ZMAT4: variants seen among roughly 807,000 people sequenced by gnomAD.
ZMAT4 encodes the protein zinc finger matrin-type protein 4.
ZMAT4 carries 17 observed loss-of-function variants against 28.7 expected under a neutral mutation model. The ratio of observed to expected loss-of-function variants is 0.59; its 90% confidence interval spans 0.41 to 0.89. The LOEUF is 0.89. ZMAT4 is among the 40% of genes least tolerant of loss of function. ZMAT4 has a pLI of 0.00. For synonymous variants in ZMAT4, 117 were observed against 109.2 expected, an observed-to-expected ratio of 1.07 and a Z score of -0.44; for missense variants, 240 against 283.8, an observed-to-expected ratio of 0.85 and a Z score of 1.11.
At chr8:40,604,090 A>T (rs1407114353) in intron 5 of ZMAT4, among the ~76,000 whole-genome samples, 1 of 152,292 alleles carries the variant, frequency 6.6e-6, no homozygotes, top group East Asian at 1.9e-4. Context: ...AACTTTACTG[A>T]ATTCATTTAT....
chr8:40,646,744 A>G (rs183961433), intron 5 of ZMAT4, among the ~76,000 whole-genome samples: 22 of 152,332 alleles, frequency 1.4e-4, no homozygotes, highest in African/African-American at 4.8e-4. Flanking sequence ...TAGATCATTC[A>G]ACTGTAATAG....
At chr8:40,560,716 A>T (rs1452520949) in intron 6 of ZMAT4, among the ~76,000 whole-genome samples, 1 of 152,138 alleles carries the variant, frequency 6.6e-6, no homozygotes, top group Non-Finnish European at 1.5e-5. Flanking sequence ...CTATTTCACA[A>T]ACTCAATCCA....
chr8:40,866,271 G>A (rs1393168960), intron 1 of ZMAT4, among the ~76,000 whole-genome samples: 1 of 152,304 alleles, frequency 6.6e-6, no homozygotes, highest in South Asian at 2.1e-4. Context: ...AGGACTTAGG[G>A]CTATGGGCAC....
At chr8:40,552,242 C>A (rs1403356099) in intron 6 of ZMAT4, among the ~76,000 whole-genome samples, 1 of 152,126 alleles carries the variant, frequency 6.6e-6, no homozygotes, top group African/African-American at 2.4e-5. Context: ...GAAATGTACC[C>A]AATGTACACC....
rs569928011 is a variant in ZMAT4 at position 40,551,914 on chromosome 8, AAAG to A, written c.675-19679_675-19677del. Among the ~76,000 whole-genome samples, 284 of 152,266 alleles carry A rather than the reference AAAG, an allele frequency of 1.9e-3. 3 individuals are homozygous for A. The highest frequency in any genetic ancestry group is 6.4e-3 in the African/African-American group (266 of 41,556). On this transcript the variant is annotated intron_variant, in intron 6 of 6. Transcript: ENST00000297737. ...GCTCCCAGAGCACTAATTTCTTATC[AAAG>A]AAGAAGAGTACTAAAACTTCCCATA...
At chr8:40,869,032 A>C (rs1047314806) in intron 1 of ZMAT4, among the ~76,000 whole-genome samples, 2 of 152,166 alleles carry the variant, frequency 1.3e-5, no homozygotes, top group African/African-American at 4.8e-5. Context: ...GTTTGCTATG[A>C]ATCCCCCAAC....
chr8:40,746,282 T>C (rs1405306909), intron 3 of ZMAT4, among the ~76,000 whole-genome samples: 5 of 125,866 alleles, frequency 4.0e-5, no homozygotes, highest in African/African-American at 1.2e-4. Context: ...CCTTTCTTTC[T>C]TTCTTTTCTT....
intron 3 of ZMAT4, among the ~76,000 whole-genome samples, chr8:40,710,914 G>A (rs1810587286): frequency 6.6e-6 from 1 of 152,020 alleles, no homozygotes; most frequent in African/African-American, 2.4e-5. Flanking sequence ...CTGAGTAGCT[G>A]GGACTACAGG....
At chr8:40,739,464 G>C (rs1367952570) in intron 3 of ZMAT4, among the ~76,000 whole-genome samples, 1 of 152,154 alleles carries the variant, frequency 6.6e-6, no homozygotes, top group Non-Finnish European at 1.5e-5. Flanking sequence ...GACACTGATA[G>C]TAGATGACAA....
Position 40,737,741 on chromosome 8 carries a change from C to T in ZMAT4, c.192+29900G>A, listed in dbSNP as rs1385103654. On this transcript the variant is annotated intron_variant, in intron 3 of 6. Coordinates refer to ENST00000297737, the MANE Select transcript of ZMAT4 (RefSeq NM_024645.3). ...ATTATGTATACATATAGCGGAAAAT[C>T]GCATAAAATATCAGGTCTGAATTTT... Among the ~76,000 whole-genome samples the T allele has an allele frequency of 2.6e-5, 4 of 151,366 alleles. No individual in the cohort carries two copies. The South Asian group carries it at 6.3e-4, about 24-fold the overall frequency.
intron 5 of ZMAT4, among the ~76,000 whole-genome samples, chr8:40,621,693 G>A (rs115029092): frequency 6.6e-6 from 1 of 152,168 alleles, no homozygotes; most frequent in Non-Finnish European, 1.5e-5. Flanking sequence ...TTTGAAGGTC[G>A]CTGGGAAATG....
intron 3 of ZMAT4, among the ~76,000 whole-genome samples, chr8:40,706,771 C>T (rs1303865098): frequency 1.3e-5 from 2 of 152,092 alleles, no homozygotes; most frequent in Non-Finnish European, 2.9e-5. Flanking sequence ...AAGAAAATGG[C>T]TCAGAATCCC....
chr8:40,862,919 T>C (rs935004626), intron 1 of ZMAT4, among the ~76,000 whole-genome samples: 1 of 151,682 alleles, frequency 6.6e-6, no homozygotes, highest in South Asian at 2.1e-4. Context: ...TGTATACATA[T>C]GTAACAAACC....
intron 1 of ZMAT4, among the ~76,000 whole-genome samples, chr8:40,859,556 G>A (rs1033188135): frequency 1.3e-5 from 2 of 152,146 alleles, no homozygotes; most frequent in South Asian, 4.1e-4. Flanking sequence ...CCTTCAGTGG[G>A]CTTTTAACAT....
chr8:40,643,464 T>C (rs1807146658), intron 5 of ZMAT4, among the ~76,000 whole-genome samples: 1 of 152,196 alleles, frequency 6.6e-6, no homozygotes, highest in South Asian at 2.1e-4. Context: ...CCATGGATAA[T>C]TTATTGAGTC....
intron 5 of ZMAT4, among the ~76,000 whole-genome samples, chr8:40,634,182 G>T (rs1806706198): frequency 6.6e-6 from 1 of 152,126 alleles, no homozygotes; most frequent in Non-Finnish European, 1.5e-5. Context: ...TGGGCAAATT[G>T]GCAAATATCT....
chr8:40,825,618 CT>C lies in ZMAT4; in HGVS notation c.58del (p.Ser20ValfsTer4). 6.4e-7 allele frequency: 1 copy of C among 1,555,154 alleles called. No homozygotes were observed. The highest frequency in any genetic ancestry group is 2.4e-5 in the East Asian group (1 of 41,818). ...LFTDSYCKVC[S>X]AQLISESQRV... ...CTGCGATTCGGAGATCAGCTGTGCA[CT>C]GCACACCTTGCAGTAACTGTCTGTG... On this transcript the variant is annotated frameshift_variant, in exon 2 of 7. Coordinates refer to ENST00000297737, the MANE Select transcript of ZMAT4 (RefSeq NM_024645.3). LOFTEE classifies it high-confidence loss of function.
intron 3 of ZMAT4, among the ~76,000 whole-genome samples, chr8:40,729,427 C>A (rs1811442410): frequency 6.6e-6 from 1 of 152,110 alleles, no homozygotes; most frequent in South Asian, 2.1e-4. Flanking sequence ...CATTATTATT[C>A]ATTTACACAT....
chr8:40,820,871 A>C (rs1281139891), intron 2 of ZMAT4, among the ~76,000 whole-genome samples: 2 of 28,196 alleles, frequency 7.1e-5, no homozygotes, highest in African/African-American at 2.6e-4. Flanking sequence ...TTGTGTGTTT[A>C]TGTGTGCATG....
Sources: allele counts gnomAD v4.1 joint callset (sites outside exome capture counted in the v4.1 genomes callset), GRCh38; gene constraint gnomAD v4.1.1; transcripts MANE v1.5; gene names NCBI Gene and HGNC (gene_info 2026-07-23, HGNC 2026-07-21).